Variants in NUP214 observed in about 807,000 individuals in gnomAD.
NUP214 encodes the protein nucleoporin 214, also known as nuclear pore complex protein Nup214.
NUP214 carries 79 observed loss-of-function variants against 196.2 expected under a neutral mutation model. The observed-to-expected ratio is 0.40, with a 90% CI of 0.34 to 0.49. The LOEUF is 0.49. NUP214 is among the 20% of genes least tolerant of loss of function. The pLI is 0.58. For missense variants in NUP214, 2,468 were observed against 2,539.0 expected (o/e 0.97, Z 0.60); for synonymous variants, 1,020 against 990.5 (o/e 1.03, Z -0.56).
At chr9:131,154,374 G>A (rs912901744) in intron 17 of NUP214, among the ~76,000 whole-genome samples, 35 of 152,054 alleles carry the variant, frequency 2.3e-4, no homozygotes, top group African/African-American at 2.4e-4. Context: ...AGCCCTTACC[G>A]CCCTCTCTCC....
At chr9:131,142,945 AGTTG>A (rs2133485612) in intron 11 of NUP214, among the ~76,000 whole-genome samples, 1 of 152,318 alleles carries the variant, frequency 6.6e-6, no homozygotes, top group East Asian at 1.9e-4. Flanking sequence ...TTTCTTATTT[AGTTG>A]GTTATTTAAT....
chr9:131,136,564 A>T (rs1171065384), intron 9 of NUP214: 1 of 152,242 alleles, frequency 6.6e-6, no homozygotes, highest in East Asian at 1.9e-4. Context: ...CTGTTTTGTC[A>T]TCTTTGTTTT....
intron 8 of NUP214, 149 bp downstream of exon 8, chr9:131,135,153 G>A (rs1188038707): frequency 1.0e-5 from 6 of 573,688 alleles, no homozygotes; most frequent in Non-Finnish European, 9.1e-6. Context: ...GCAGTGGCAC[G>A]ATTGTAGCTC....
intron 33 of NUP214, chr9:131,229,349 G>C (rs1834808496): frequency 5.6e-6 from 1 of 178,228 alleles, no homozygotes. Flanking sequence ...AAGAATTAAA[G>C]TTAAGGAAAG....
intron 24 of NUP214, among the ~76,000 whole-genome samples, chr9:131,179,326 TCTGTGTTCGGAA>T (rs1364903836): frequency 6.6e-6 from 1 of 152,188 alleles, no homozygotes; most frequent in Non-Finnish European, 1.5e-5. Context: ...TTAGTCCTCA[TCTGTGTTCGGAA>T]TTCAGGGTGC....
chr9:131,167,272 T>C (rs1485057789), intron 21 of NUP214: 1 of 152,260 alleles, frequency 6.6e-6, no homozygotes, highest in Non-Finnish European at 1.5e-5. Context: ...GACAGGCTTC[T>C]CTTGTTCCAC....
intron 29 of NUP214, among the ~76,000 whole-genome samples, chr9:131,201,321 G>T (rs1282180617): frequency 6.6e-6 from 1 of 151,590 alleles, no homozygotes; most frequent in African/African-American, 2.4e-5. Flanking sequence ...ACAAAAATTA[G>T]CTGGGCGTTG....
At chr9:131,181,166 AG>A (rs367933639) in intron 24 of NUP214, among the ~76,000 whole-genome samples, 83 of 152,280 alleles carry the variant, frequency 5.5e-4, no homozygotes, top group African/African-American at 1.9e-3. Flanking sequence ...GCCACACAGC[AG>A]GTCTCATTAA....
chr9:131,213,247 C>G (rs1223176109), intron 30 of NUP214, among the ~76,000 whole-genome samples: 3 of 151,182 alleles, frequency 2.0e-5, no homozygotes, highest in Admixed American at 1.3e-4. Flanking sequence ...ACTATACTGG[C>G]TCACTGCAAC....
At chr9:131,190,508 T>C in intron 26 of NUP214, 1 of 682,766 alleles carries the variant, frequency 1.5e-6, no homozygotes, top group Admixed American at 2.2e-5. Context: ...AAGAACTTTT[T>C]TCTTTTGGTA....
intron 7 of NUP214, among the ~76,000 whole-genome samples, chr9:131,133,476 T>G (rs1831623369): frequency 6.6e-6 from 1 of 152,018 alleles, no homozygotes; most frequent in African/African-American, 2.4e-5. Context: ...GGCTAATTTT[T>G]TTTTTTTGGT....
chr9:131,215,203 G>T lies in NUP214; in HGVS notation c.5593-9G>T. On this transcript the variant is annotated splice_polypyrimidine_tract_variant and intron_variant, in intron 30 of 35. Transcript: ENST00000359428. ...TCCTATCTTGCTTCCTGACCCTTTTGTTTTTTAGCAATCATCCTCTTCCAG... is the reference window on the plus strand; with the variant it reads ...TCCTATCTTGCTTCCTGACCCTTTTTTTTTTTAGCAATCATCCTCTTCCAG... The T allele has an allele frequency of 1.3e-6, 2 of 1,510,842 alleles. No homozygotes were observed. 93.6% of individuals were successfully genotyped at this position (1,510,842 alleles called of 1,614,324 possible). A position where few individuals can be genotyped will look rare whatever the true frequency, so the allele number is the denominator to read the frequency against.
intron 27 of NUP214, among the ~76,000 whole-genome samples, chr9:131,193,482 T>C (rs1477494989): frequency 1.3e-5 from 2 of 151,838 alleles, no homozygotes; most frequent in Admixed American, 1.3e-4. Context: ...TACATATATT[T>C]TTTCTTTATT....
At chr9:131,229,370 AC>A (rs1235687612) in intron 33 of NUP214, 1 of 177,120 alleles carries the variant, frequency 5.6e-6, no homozygotes, top group Non-Finnish European at 1.2e-5. Flanking sequence ...CTTTGAAAGG[AC>A]AGTTAGAGAC....
At position 131,144,467 on chromosome 9, in the gene NUP214, G is replaced by C. The variant is rs147598578; in HGVS notation, c.1482G>C (p.Thr494=). ...CTTCATCTTTGAAGTCATCTGCTAC[G>C]GTCACTGGGGAGCCCCCTTCATATT... ...FGSSSLKSSA[T]VTGEPPSYSS... The change falls in exon 12 of 36, where the codon ACG becomes ACC. Residue 494 remains threonine, a synonymous_variant. Transcript: ENST00000359428. 6.2e-7 allele frequency: 1 copy of C among 1,614,088 alleles called. No homozygotes were observed. Among genetic ancestry groups the C allele is most frequent in the African/African-American group, 1.3e-5 (1 of 74,994 alleles).
At chr9:131,178,459 G>A (rs1209456643) in intron 24 of NUP214, 49 bp downstream of exon 24, 17 of 1,335,420 alleles carry the variant, frequency 1.3e-5, no homozygotes, top group Non-Finnish European at 1.7e-5. Flanking sequence ...TTCTGTAGTA[G>A]CGGTGGACTG....
chr9:131,129,536 G>T, intron 4 of NUP214, 59 bp downstream of exon 4: 1 of 1,515,776 alleles, frequency 6.6e-7, no homozygotes, highest in South Asian at 1.2e-5. Context: ...CTTAAGAATT[G>T]ATTTCTAGAA....
Position 131,128,322 on chromosome 9 carries a change from GT to G in NUP214, c.242-6del. 2.5e-6 allele frequency: 4 copies of G among 1,599,084 alleles called. No individual in the cohort carries two copies. Among genetic ancestry groups the G allele is most frequent in the Non-Finnish European group, 3.4e-6 (4 of 1,172,448 alleles). ...ACCGTTTTCTGCTTTGTATTTTTTT[GT>G]TTTCATAGTTGATAAAGTCCAAGGC... On this transcript the variant is annotated splice_polypyrimidine_tract_variant and intron_variant, in intron 2 of 35. Transcript: ENST00000359428.
intron 33 of NUP214, chr9:131,229,664 T>C (rs1376347509): frequency 3.9e-6 from 2 of 508,576 alleles, no homozygotes; most frequent in East Asian, 5.5e-5. Context: ...TTCTTCCAGG[T>C]CCCTGGCCAT....
Sources: allele counts gnomAD v4.1 joint callset (sites outside exome capture counted in the v4.1 genomes callset), GRCh38; gene constraint gnomAD v4.1.1; transcripts MANE v1.5; gene names NCBI Gene and HGNC (gene_info 2026-07-23, HGNC 2026-07-21).